The following VPS8 variants were observed in gnomAD, a reference collection of about 807,000 sequenced individuals.
VPS8 encodes vacuolar protein sorting-associated protein 8 homolog.
VPS8 carries 129 observed loss-of-function variants against 216.4 expected under a neutral mutation model. The ratio of observed to expected loss-of-function variants is 0.60; its 90% CI spans 0.52 to 0.69. VPS8 has a LOEUF of 0.69. Among genes scored for constraint, VPS8 ranks in the 30% least tolerant of loss-of-function variants. The pLI, the probability that VPS8 is intolerant of heterozygous loss-of-function variation, is 0.00. For synonymous variants in VPS8, 571 were observed against 565.4 expected, an observed-to-expected ratio of 1.01 and a Z score of -0.14; for missense variants, 1,531 against 1,683.5, an observed-to-expected ratio of 0.91 and a Z score of 1.59.
intron 5 of VPS8, chr3:184,836,120 C>T (rs1295024969): frequency 2.8e-6 from 1 of 363,552 alleles, no homozygotes; most frequent in Non-Finnish European, 5.4e-6. Context: ...ATAACAACAA[C>T]AACAACAAAA....
At chr3:185,040,086 G>C (rs953840937) in intron 46 of VPS8, among the ~76,000 whole-genome samples, 2 of 152,096 alleles carry the variant, frequency 1.3e-5, no homozygotes, top group Non-Finnish European at 2.9e-5. Context: ...CTAATAGAGT[G>C]ACAAATCACT....
At chr3:184,819,625 A>AC (rs1717115250) in intron 1 of VPS8, among the ~76,000 whole-genome samples, 1 of 152,240 alleles carries the variant, frequency 6.6e-6, no homozygotes, top group African/African-American at 2.4e-5. Flanking sequence ...ACACCAACCC[A>AC]CAAGGTAAGG....
At chr3:184,926,045 G>A (rs1278163949) in intron 30 of VPS8, among the ~76,000 whole-genome samples, 1 of 149,824 alleles carries the variant, frequency 6.7e-6, no homozygotes, top group South Asian at 2.1e-4. Flanking sequence ...AAAGTGCTGG[G>A]ATTACAGGTG....
chr3:184,912,414 A>G (rs1230632328), intron 25 of VPS8, among the ~76,000 whole-genome samples: 11 of 152,194 alleles, frequency 7.2e-5, no homozygotes, highest in Admixed American at 7.2e-4. Context: ...CTGGGGAGAC[A>G]TGGCCTTCTA....
intron 46 of VPS8, among the ~76,000 whole-genome samples, chr3:185,024,795 G>A (rs1757123519): frequency 6.6e-6 from 1 of 152,158 alleles, no homozygotes; most frequent in Non-Finnish European, 1.5e-5. Context: ...CTGAGGTCAG[G>A]AGTTCAAGAC....
At chr3:184,823,167 A>G (rs540765000) in intron 1 of VPS8, among the ~76,000 whole-genome samples, 3 of 152,330 alleles carry the variant, frequency 2.0e-5, no homozygotes, top group African/African-American at 4.8e-5. Context: ...TTGTCAGTGA[A>G]TTTTTAGCAT....
chr3:184,922,489 T>A, intron 29 of VPS8: 1 of 445,962 alleles, frequency 2.2e-6, no homozygotes, highest in South Asian at 1.6e-5. Flanking sequence ...TAAATGTAAG[T>A]TGGTTACATT....
At chr3:184,865,656 G>T (rs755268120) in intron 16 of VPS8, among the ~76,000 whole-genome samples, 1 of 152,146 alleles carries the variant, frequency 6.6e-6, no homozygotes, top group African/African-American at 2.4e-5. Context: ...CTAAAATGGC[G>T]CAAATGCTGT....
intron 8 of VPS8, among the ~76,000 whole-genome samples, chr3:184,846,416 TCA>T: frequency 6.6e-6 from 1 of 152,250 alleles, no homozygotes; most frequent in Non-Finnish European, 1.5e-5. Flanking sequence ...TTCCCTCATT[TCA>T]TCCATTGCCA....
chr3:184,955,946 A>G (rs1745520265), intron 36 of VPS8, among the ~76,000 whole-genome samples: 1 of 139,822 alleles, frequency 7.2e-6, no homozygotes, highest in Non-Finnish European at 1.5e-5. Flanking sequence ...AAACTTCTGT[A>G]TTAAAGGCAG....
chr3:184,851,770 G>A (rs890002909), intron 10 of VPS8, among the ~76,000 whole-genome samples: 7 of 152,144 alleles, frequency 4.6e-5, no homozygotes, highest in South Asian at 2.1e-4. Context: ...AACCTGAGGC[G>A]TGCTATTTAG....
intron 13 of VPS8, among the ~76,000 whole-genome samples, chr3:184,854,780 T>A (rs1441518348): frequency 1.3e-5 from 2 of 152,240 alleles, no homozygotes; most frequent in Non-Finnish European, 2.9e-5. Flanking sequence ...GGCTTCTGCC[T>A]CTGATAATTT....
chr3:185,035,753 A>G (rs773630755), intron 46 of VPS8, among the ~76,000 whole-genome samples: 75 of 152,316 alleles, frequency 4.9e-4, no homozygotes, highest in Admixed American at 1.1e-3. Flanking sequence ...TGGAAGTCCT[A>G]GCCAGAGCAG....
intron 38 of VPS8, among the ~76,000 whole-genome samples, chr3:184,966,309 CCTTT>C (rs1481335237): frequency 2.6e-5 from 4 of 152,128 alleles, no homozygotes; most frequent in African/African-American, 9.7e-5. Context: ...GACCCAGACA[CCTTT>C]CACTGAGTCC....
At position 184,854,027 on chromosome 3, in the gene VPS8, G is replaced by A; in HGVS notation, c.975+17G>A. 6.2e-7 allele frequency: 1 copy of A among 1,613,124 alleles called. No individual in the cohort carries two copies. Among genetic ancestry groups the A allele is most frequent in the Non-Finnish European group, 8.5e-7 (1 of 1,179,426 alleles). ...TTGACAAAAGTAAGTGTATTTAGAA[G>A]TTAAAACTCAGAACTTTTAGAAGCT... On this transcript the variant is annotated intron_variant, in intron 12 of 47. Coordinates refer to ENST00000625842, the MANE Select transcript of VPS8 (RefSeq NM_001009921.3).
intron 47 of VPS8, among the ~76,000 whole-genome samples, chr3:185,050,121 T>TA (rs34508608): frequency 0.27 from 39,335 of 145,392 alleles, 5,864 homozygotes; most frequent in East Asian, 0.56. Flanking sequence ...TCCTGGGAAA[T>TA]AATTTTTTTT....
intron 21 of VPS8, among the ~76,000 whole-genome samples, chr3:184,876,971 A>G (rs1344484024): frequency 1.3e-5 from 2 of 152,138 alleles, no homozygotes; most frequent in Non-Finnish European, 2.9e-5. Flanking sequence ...TGAGGTAGAG[A>G]CTAAATTCCC....
intron 15 of VPS8, among the ~76,000 whole-genome samples, chr3:184,860,405 GTATATATGTA>G (rs986169058): frequency 1.0e-4 from 15 of 147,046 alleles, no homozygotes; most frequent in South Asian, 4.3e-4. Flanking sequence ...GTATGTATAC[GTATATATGTA>G]TATATATGTA....
At chr3:185,045,583 CAACATGGTG>C (rs1425725604) in intron 46 of VPS8, among the ~76,000 whole-genome samples, 1 of 152,026 alleles carries the variant, frequency 6.6e-6, no homozygotes, top group Non-Finnish European at 1.5e-5. Flanking sequence ...CCAGCCTGAC[CAACATGGTG>C]AAACCCCATC....
Sources: allele counts gnomAD v4.1 joint callset (sites outside exome capture counted in the v4.1 genomes callset), GRCh38; gene constraint gnomAD v4.1.1; transcripts MANE v1.5; gene names NCBI Gene and HGNC (gene_info 2026-07-23, HGNC 2026-07-21).